Variants in ANO4 observed in about 807,000 individuals in gnomAD.
The protein encoded by ANO4 is anoctamin-4.
A neutral mutation model predicts 141.9 loss-of-function variants in ANO4; 69 were observed. That is an observed-to-expected ratio of 0.49 (90% CI 0.40 to 0.59). The LOEUF (loss-of-function observed/expected upper bound fraction) is 0.59, where lower values mean the gene tolerates loss of function less well. ANO4 is among the 20% of genes least tolerant of loss of function. The pLI is 0.00. For missense variants in ANO4, 894 were observed against 1,162.2 expected, an observed-to-expected ratio of 0.77 and a Z score of 3.36; for synonymous variants, 350 against 394.3, an observed-to-expected ratio of 0.89 and a Z score of 1.33.
At chr12:101,098,799 A>G (rs1044638816) in intron 21 of ANO4, among the ~76,000 whole-genome samples, 2 of 152,360 alleles carry the variant, frequency 1.3e-5, no homozygotes, top group East Asian at 1.9e-4. Context: ...TAATAAGGAC[A>G]TAGAGCAAAA....
At chr12:100,759,050 G>A (rs1166588923) in intron 3 of ANO4, among the ~76,000 whole-genome samples, 1 of 152,104 alleles carries the variant, frequency 6.6e-6, no homozygotes, top group Non-Finnish European at 1.5e-5. Context: ...TGAGGGTCCA[G>A]ATGGGCATAT....
At chr12:100,791,492 CTTTAA>C (rs1432162611), upstream of ANO4, among the ~76,000 whole-genome samples, 1 of 152,174 alleles carries the variant, frequency 6.6e-6, no homozygotes, top group Non-Finnish European at 1.5e-5. Flanking sequence ...ATCATTTTCT[CTTTAA>C]TTTATAAGCA....
intron 24 of ANO4, among the ~76,000 whole-genome samples, chr12:101,114,621 G>C (rs990728318): frequency 6.6e-6 from 1 of 152,172 alleles, no homozygotes; most frequent in Non-Finnish European, 1.5e-5. Flanking sequence ...TGAGATAAGA[G>C]TGCAGGAGGG....
intron 9 of ANO4, among the ~76,000 whole-genome samples, chr12:101,032,293 C>A (rs1339791029): frequency 1.3e-5 from 2 of 152,186 alleles, no homozygotes; most frequent in African/African-American, 4.8e-5. Flanking sequence ...CTACAACCAT[C>A]CGATCTTCAG....
chr12:100,832,665 T>C (rs2036690576), intron 1 of ANO4, among the ~76,000 whole-genome samples: 1 of 152,114 alleles, frequency 6.6e-6, no homozygotes, highest in South Asian at 2.1e-4. Context: ...TGCTTTTGCT[T>C]ATGTATTTGT....
chr12:100,827,407 TG>T lies in ANO4; in HGVS notation c.-141+32381del, dbSNP rs558128693. 9.7e-4 allele frequency among the ~76,000 whole-genome samples: 148 copies of T among 152,206 alleles called. 1 individual carries two copies. The highest frequency in any genetic ancestry group is 1.8e-3 in the Admixed American group (28 of 15,280). ...TTTTCCTGGTCTTTCTATTTAAACT[TG>T]TTAAAAAGAAAGAAATACCCCCCCA... is the stretch of plus-strand genomic sequence containing the variant. On this transcript the variant is annotated intron_variant, in intron 1 of 27. Transcript: ENST00000392977.
Position 100,939,182 on chromosome 12 carries a change from A to G in ANO4, c.161-133A>G, listed in dbSNP as rs551685527. On this transcript the variant is annotated intron_variant, in intron 3 of 27. Transcript: ENST00000392977. The stretch of plus-strand genomic sequence containing the variant: ...TGACATACTTTTCTTTTAGGAAATA[A>G]TATGCTTGTCACTCAAGGAGTTAAT... 1.6e-5 allele frequency: 14 copies of G among 900,074 alleles called. No homozygotes were observed. The South Asian group carries it at 2.6e-4, about 17-fold the overall frequency. The allele number at this position is 900,074 out of a possible 1,614,324, so 55.8% of individuals were successfully genotyped here.
chr12:100,842,731 C>T (rs1714045806), intron 1 of ANO4, among the ~76,000 whole-genome samples: 1 of 151,968 alleles, frequency 6.6e-6, no homozygotes, highest in East Asian at 1.9e-4. Context: ...GTTGTTTTGT[C>T]CTTACATGGT....
chr12:100,841,639 G>A (rs1324220716), intron 1 of ANO4, among the ~76,000 whole-genome samples: 2 of 152,120 alleles, frequency 1.3e-5, no homozygotes, highest in Non-Finnish European at 2.9e-5. Context: ...CAGGGTGAAC[G>A]GTAGTCCAGG....
intron 2 of ANO4, among the ~76,000 whole-genome samples, chr12:100,908,881 A>G (rs1436932597): frequency 6.6e-6 from 1 of 152,230 alleles, no homozygotes; most frequent in Non-Finnish European, 1.5e-5. Flanking sequence ...GAACAATTTC[A>G]GTATGTTTAT....
chr12:100,913,559 T>C (rs115622477), intron 2 of ANO4, among the ~76,000 whole-genome samples: 3,458 of 152,274 alleles, frequency 0.023, 139 homozygotes, highest in African/African-American at 0.079. Context: ...GAAATTAAGT[T>C]TTATCATAGG....
intron 10 of ANO4, among the ~76,000 whole-genome samples, chr12:101,039,727 T>C (rs2047342235): frequency 6.6e-6 from 1 of 152,162 alleles, no homozygotes; most frequent in African/African-American, 2.4e-5. Context: ...TGAACTCAGT[T>C]CAAACCTTCC....
intron 1 of ANO4, among the ~76,000 whole-genome samples, chr12:100,801,979 A>G (rs748835144): frequency 5.3e-5 from 8 of 152,232 alleles, no homozygotes; most frequent in Admixed American, 2.0e-4. Flanking sequence ...CGCAGTACAT[A>G]ACTGCATAAC....
intron 1 of ANO4, among the ~76,000 whole-genome samples, chr12:100,722,825 A>G (rs2030929243): frequency 6.6e-6 from 1 of 152,132 alleles, no homozygotes; most frequent in South Asian, 2.1e-4. Context: ...CCTTTTTCCT[A>G]TTGCAAATAA....
chr12:100,950,535 A>G (rs1039269979), intron 5 of ANO4, among the ~76,000 whole-genome samples: 1 of 152,180 alleles, frequency 6.6e-6, no homozygotes, highest in Admixed American at 6.5e-5. Flanking sequence ...TTGAGGTGAG[A>G]ATTCTTCCTC....
At chr12:100,854,148 T>C (rs2135861964) in intron 1 of ANO4, among the ~76,000 whole-genome samples, 1 of 152,284 alleles carries the variant, frequency 6.6e-6, no homozygotes, top group South Asian at 2.1e-4. Context: ...TTGCTAAGTA[T>C]AGAATTCTAA....
chr12:100,726,233 TAA>T (rs200135686), intron 1 of ANO4, among the ~76,000 whole-genome samples: 93 of 148,890 alleles, frequency 6.2e-4, no homozygotes, highest in African/African-American at 2.2e-3. Context: ...TAAACTTCAG[TAA>T]AAAAAAAAGT....
intron 1 of ANO4, among the ~76,000 whole-genome samples, chr12:100,895,456 G>A (rs2040303468): frequency 6.6e-6 from 1 of 151,640 alleles, no homozygotes; most frequent in African/African-American, 2.4e-5. Context: ...CAGAGAGAAA[G>A]AACACCTAAG....
chr12:100,869,720 C>T (rs1473750210), intron 1 of ANO4, among the ~76,000 whole-genome samples: 4 of 152,152 alleles, frequency 2.6e-5, no homozygotes, highest in South Asian at 2.1e-4. Context: ...TTTTTCTATG[C>T]GTGCTCTCAA....
Sources: allele counts gnomAD v4.1 joint callset (sites outside exome capture counted in the v4.1 genomes callset), GRCh38; gene constraint gnomAD v4.1.1; transcripts MANE v1.5; gene names NCBI Gene and HGNC (gene_info 2026-07-23, HGNC 2026-07-21).